RUNDC3B: variants seen among roughly 807,000 people sequenced by gnomAD.
The protein encoded by RUNDC3B is RUN domain-containing protein 3B.
RUNDC3B carries 33 observed loss-of-function variants against 58.4 expected under a neutral mutation model. The observed-to-expected ratio is 0.56, with a 90% CI of 0.43 to 0.75. The LOEUF is 0.75. RUNDC3B is among the 30% of genes least tolerant of loss of function. The probability of loss-of-function intolerance (pLI) is 0.00; values close to 1 mark genes in which losing one functional copy is unlikely to be tolerated. For synonymous variants in RUNDC3B, 193 were observed against 195.2 expected, an observed-to-expected ratio of 0.99 and a Z score of 0.10; for missense variants, 501 against 535.7, an observed-to-expected ratio of 0.94 and a Z score of 0.64.
At chr7:87,670,966 G>A (rs1015568862) in intron 2 of RUNDC3B, among the ~76,000 whole-genome samples, 4 of 151,998 alleles carry the variant, frequency 2.6e-5, no homozygotes, top group South Asian at 4.1e-4. Flanking sequence ...GCTTTGGGGC[G>A]ATCTCAGTGT....
At chr7:87,696,159 G>A (rs892030358) in intron 2 of RUNDC3B, among the ~76,000 whole-genome samples, 12 of 152,104 alleles carry the variant, frequency 7.9e-5, no homozygotes, top group African/African-American at 2.7e-4. Context: ...TATATTCATT[G>A]AGAACTTTAA....
intron 6 of RUNDC3B, among the ~76,000 whole-genome samples, chr7:87,756,848 G>A (rs1833403124): frequency 1.3e-5 from 2 of 152,012 alleles, no homozygotes; most frequent in Admixed American, 6.6e-5. Flanking sequence ...TGTGGAATAT[G>A]CACTGTTTGA....
At position 87,831,046 on chromosome 7, in the gene RUNDC3B, C is replaced by T. The variant is rs1838100156; in HGVS notation, c.*1016C>T. ...ATTTTAAAACATTTTAATGTTAAAA[C>T]ATCCCCACACTTATACACAGGTAAA... On this transcript the variant is annotated 3_prime_UTR_variant, in exon 11 of 11. Coordinates refer to ENST00000394654, the MANE Select transcript of RUNDC3B (RefSeq NM_001134405.2). 1 of 150,342 alleles carries T rather than the reference C, an allele frequency of 6.7e-6. No homozygotes were observed. Among genetic ancestry groups the T allele is most frequent in the Non-Finnish European group, 1.5e-5 (1 of 67,602 alleles). The allele number at this position is 150,342 out of a possible 1,614,324, so 9.3% of individuals were successfully genotyped here. A position where few individuals can be genotyped will look rare whatever the true frequency, so the allele number is the denominator to read the frequency against.
chr7:87,796,728 C>T lies in RUNDC3B; in HGVS notation c.957-10645C>T, dbSNP rs1239924139. On this transcript the variant is annotated intron_variant, in intron 8 of 10. Transcript: ENST00000394654. Reference sequence around the variant, plus strand: ...AACTGCCCTTCAAAAATAAGAGAGACGTTAAGGTGTTCCCGGATAAATATA... The same window carrying T: ...AACTGCCCTTCAAAAATAAGAGAGATGTTAAGGTGTTCCCGGATAAATATA... Among the ~76,000 whole-genome samples the T allele has an allele frequency of 4.6e-5, 7 of 152,092 alleles. No individual in the cohort carries two copies. The East Asian group carries it at 9.6e-4, about 21-fold the overall frequency.
At position 87,823,791 on chromosome 7, in the gene RUNDC3B, TACACAC is replaced by T. The variant is rs113441553; in HGVS notation, c.1226-6066_1226-6061del. On this transcript the variant is annotated intron_variant, in intron 10 of 10. Transcript: ENST00000394654. Reference sequence around the variant, plus strand: ...TGAGTAGTATTCCATTTCATATATATACACACACACACACACACACACACACACACA... The same window carrying T: ...TGAGTAGTATTCCATTTCATATATATACACACACACACACACACACACACA... Among the ~76,000 whole-genome samples, 671 of 143,874 alleles carry T rather than the reference TACACAC, an allele frequency of 4.7e-3. 4 individuals carry two copies. The highest frequency in any genetic ancestry group is 6.0e-3 in the Non-Finnish European group (391 of 64,850). 94.4% of individuals were successfully genotyped at this position (143,874 alleles called of 152,430 possible).
In RUNDC3B at chr7:87,628,580, CGTGCGTGTGTGTGTGTGTGTGT is replaced by C; in HGVS notation, c.-240_-219del. On this transcript the variant is annotated 5_prime_UTR_variant, in exon 1 of 11. Transcript: ENST00000394654. Reference sequence around the variant, plus strand: ...GCGCCGAGGGCGGAGGTGGTGCGTGCGTGCGTGTGTGTGTGTGTGTGTGTGTGTGTGTGTGTGTGTGTGTGGA... The same window carrying C: ...GCGCCGAGGGCGGAGGTGGTGCGTGCGTGTGTGTGTGTGTGTGTGTGTGGA... 3.4e-6 allele frequency: 1 copy of C among 292,816 alleles called. No individual in the cohort carries two copies. The highest frequency in any genetic ancestry group is 5.8e-6 in the Non-Finnish European group (1 of 173,282). 18.1% of individuals were successfully genotyped at this position (292,816 alleles called of 1,614,324 possible).
chr7:87,633,227 G>A (rs1252381646), intron 1 of RUNDC3B, among the ~76,000 whole-genome samples: 5 of 152,214 alleles, frequency 3.3e-5, no homozygotes, highest in East Asian at 1.9e-4. Flanking sequence ...ATTTTGGAGC[G>A]CAGGATTTGT....
chr7:87,698,877 A>G (rs895569046), intron 2 of RUNDC3B, among the ~76,000 whole-genome samples: 2 of 152,304 alleles, frequency 1.3e-5, no homozygotes, highest in Non-Finnish European at 1.5e-5. Flanking sequence ...GGCCTTTAAA[A>G]CACCCTGAAT....
Position 87,770,439 on chromosome 7 carries a change from AAATCTT to A in RUNDC3B, c.630-141_630-136del, listed in dbSNP as rs1294780166. Reference sequence around the variant, plus strand: ...TTGCCATTTTTTTTTCAGGAAGCTTAAATCTTTATAATATCATTATAATTTTGTATT... The same window carrying A: ...TTGCCATTTTTTTTTCAGGAAGCTTATATAATATCATTATAATTTTGTATT... On this transcript the variant is annotated intron_variant, in intron 6 of 10. Coordinates refer to ENST00000394654, the MANE Select transcript of RUNDC3B (RefSeq NM_001134405.2). 1.1e-5 allele frequency: 8 copies of A among 715,950 alleles called. No individual in the cohort carries two copies. In the Admixed American group the frequency reaches 1.8e-4, roughly 16 times the overall value. The allele number at this position is 715,950 out of a possible 1,614,324, so 44.3% of individuals were successfully genotyped here. A position where few individuals can be genotyped will look rare whatever the true frequency, so the allele number is the denominator to read the frequency against.
intron 2 of RUNDC3B, among the ~76,000 whole-genome samples, chr7:87,692,012 G>T (rs549351235): frequency 6.6e-6 from 1 of 152,098 alleles, no homozygotes; most frequent in Non-Finnish European, 1.5e-5. Context: ...GTCTAGAATG[G>T]TTTAATCGTA....
rs545072313 is a variant in RUNDC3B at position 87,750,211 on chromosome 7, T to C, written c.629+8632T>C. Reference sequence around the variant, plus strand: ...TGTCCCTACAAAGGACATGAACTTATCATTTTTTATGGCTTCATAGTATTC... The same window carrying C: ...TGTCCCTACAAAGGACATGAACTTACCATTTTTTATGGCTTCATAGTATTC... On this transcript the variant is annotated intron_variant, in intron 6 of 10. Transcript: ENST00000394654. Among the ~76,000 whole-genome samples, 4 of 152,360 alleles carry C rather than the reference T, an allele frequency of 2.6e-5. No homozygotes were observed. The East Asian group carries it at 5.8e-4, about 22-fold the overall frequency.
At chr7:87,785,459 G>A (rs1563208180) in intron 8 of RUNDC3B, among the ~76,000 whole-genome samples, 1 of 152,174 alleles carries the variant, frequency 6.6e-6, no homozygotes, top group Non-Finnish European at 1.5e-5. Context: ...TGGGAGGTTG[G>A]GACTGGGCCT....
At chr7:87,648,165 A>G (rs1823213966) in intron 1 of RUNDC3B, among the ~76,000 whole-genome samples, 1 of 150,452 alleles carries the variant, frequency 6.6e-6, no homozygotes, top group Non-Finnish European at 1.5e-5. Context: ...AGCCTGGGTG[A>G]CAGAGCGAGA....
chr7:87,667,187 G>GTAGAGA (rs1825342710), intron 2 of RUNDC3B, among the ~76,000 whole-genome samples: 1 of 152,010 alleles, frequency 6.6e-6, no homozygotes, highest in South Asian at 2.1e-4. Context: ...AATTCTCATT[G>GTAGAGA]TAGAGATTTT....
At chr7:87,648,364 A>G (rs1209005123) in intron 1 of RUNDC3B, among the ~76,000 whole-genome samples, 2 of 152,126 alleles carry the variant, frequency 1.3e-5, no homozygotes, top group African/African-American at 2.4e-5. Flanking sequence ...TGTTCATATA[A>G]AAATGAGGAA....
At position 87,628,908 on chromosome 7, in the gene RUNDC3B, G is replaced by A. The variant is rs1345394136; in HGVS notation, c.85G>A (p.Ala29Thr). Reference sequence around the variant, plus strand: ...CAAGAAAAGCCTGAGCGCCCGCAATGCTGCGGTGGAGAGGAGGAACCTGAT... The same window carrying A: ...CAAGAAAAGCCTGAGCGCCCGCAATACTGCGGTGGAGAGGAGGAACCTGAT... Reference protein sequence around the residue: ...GGKKSLSARNAAVERRNLITV... With the variant: ...GGKKSLSARNTAVERRNLITV... Residue 29 changes from alanine to threonine, a missense_variant, in exon 1 of 11, where the codon GCT becomes ACT. By Grantham distance (58) the Ala-to-Thr change is moderately conservative. Coordinates refer to ENST00000394654, the MANE Select transcript of RUNDC3B (RefSeq NM_001134405.2). The A allele has an allele frequency of 1.5e-6, 2 of 1,308,780 alleles. No homozygotes were observed. Among genetic ancestry groups the A allele is most frequent in the Non-Finnish European group, 9.8e-7 (1 of 1,020,578 alleles). The allele number at this position is 1,308,780 out of a possible 1,614,324, so 81.1% of individuals were successfully genotyped here.
At chr7:87,660,981 T>C (rs1300881124) in intron 2 of RUNDC3B, among the ~76,000 whole-genome samples, 1 of 152,046 alleles carries the variant, frequency 6.6e-6, no homozygotes, top group East Asian at 1.9e-4. Context: ...ATAGTTACTT[T>C]AATAAATGTC....
At chr7:87,709,654 T>C in intron 3 of RUNDC3B, 1 of 281,008 alleles carries the variant, frequency 3.6e-6, no homozygotes, top group Non-Finnish European at 5.4e-6. Context: ...GTGAATTCAC[T>C]AGACTTGCAG....
At chr7:87,704,450 T>A (rs1334104985) in intron 3 of RUNDC3B, among the ~76,000 whole-genome samples, 1 of 152,194 alleles carries the variant, frequency 6.6e-6, no homozygotes, top group African/African-American at 2.4e-5. Flanking sequence ...TTTATAAAAC[T>A]AGCATATCCC....
Sources: gnomAD v4.1 joint callset for allele counts (sites outside exome capture counted in the v4.1 genomes callset) on GRCh38, gnomAD v4.1.1 for gene constraint, MANE v1.5 for transcripts, NCBI Gene and HGNC (gene_info 2026-07-23, HGNC 2026-07-21) for gene names.